ZBTB8OS: variants seen among roughly 807,000 people sequenced by gnomAD.
ZBTB8OS encodes tRNA-splicing ligase-activating factor archease.
In ZBTB8OS, 16 loss-of-function variants were observed where a neutral mutation model predicts 29.3. The ratio of observed to expected loss-of-function variants is 0.55; its 90% CI spans 0.37 to 0.83. ZBTB8OS has a LOEUF of 0.83. ZBTB8OS is among the 40% of genes least tolerant of loss of function. The pLI is 0.00. For synonymous variants in ZBTB8OS, 70 were observed against 64.6 expected (o/e 1.08, Z -0.40); for missense variants, 160 against 196.9 (o/e 0.81, Z 1.12).
intron 6 of ZBTB8OS, among the ~76,000 whole-genome samples, chr1:32,625,843 ATGG>A (rs1323578066): frequency 6.6e-6 from 1 of 151,636 alleles, no homozygotes; most frequent in Non-Finnish European, 1.5e-5. Flanking sequence ...TGCATATATG[ATGG>A]TGGTCTGAGA....
Position 32,621,829 on chromosome 1 carries a change from G to A in ZBTB8OS, c.*33C>T. The A allele has an allele frequency of 6.9e-7, 1 of 1,445,898 alleles. No individual in the cohort carries two copies. Among genetic ancestry groups the A allele is most frequent in the East Asian group, 2.3e-5 (1 of 43,360 alleles). 89.6% of individuals were successfully genotyped at this position (1,445,898 alleles called of 1,614,324 possible). A position where few individuals can be genotyped will look rare whatever the true frequency, so the allele number is the denominator to read the frequency against. The stretch of plus-strand genomic sequence containing the variant: ...CAAAAGGAAGAGGAAAACAAAAACA[G>A]TTCTTCGTAGGAGTCTTTTATTTTT... On this transcript the variant is annotated 3_prime_UTR_variant, in exon 7 of 7. Coordinates refer to ENST00000468695, the MANE Select transcript of ZBTB8OS (RefSeq NM_178547.5).
chr1:32,649,565 T>C (rs1453205739), intron 1 of ZBTB8OS, among the ~76,000 whole-genome samples: 1 of 151,430 alleles, frequency 6.6e-6, no homozygotes, highest in Non-Finnish European at 1.5e-5. Flanking sequence ...AGCTGGGCAC[T>C]GCAGCGCGGG....
upstream of ZBTB8OS, chr1:32,650,581 C>T: frequency 6.2e-7 from 1 of 1,613,794 alleles, no homozygotes; most frequent in Non-Finnish European, 8.5e-7. Flanking sequence ...GGACTTCGGC[C>T]CGGAGTTACT....
chr1:32,629,749 C>CTTTTTTTT (rs869185319), intron 5 of ZBTB8OS, among the ~76,000 whole-genome samples: 46 of 114,086 alleles, frequency 4.0e-4, no homozygotes, highest in East Asian at 1.0e-3. Flanking sequence ...ATGCTTGTTT[C>CTTTTTTTT]TTTTTTTTTT....
At chr1:32,644,586 A>C (rs979924791) in intron 1 of ZBTB8OS, among the ~76,000 whole-genome samples, 1 of 139,260 alleles carries the variant, frequency 7.2e-6, no homozygotes, top group Middle Eastern at 3.8e-3. Context: ...GGCCGGGAGT[A>C]TAGTGGCATG....
At chr1:32,638,458 G>A (rs188883492) in intron 1 of ZBTB8OS, among the ~76,000 whole-genome samples, 2 of 151,954 alleles carry the variant, frequency 1.3e-5, no homozygotes, top group East Asian at 3.9e-4. Context: ...CCCAAAAGCT[G>A]GGATTACAGG....
At chr1:32,625,448 C>T (rs1317564491) in intron 6 of ZBTB8OS, among the ~76,000 whole-genome samples, 2 of 152,038 alleles carry the variant, frequency 1.3e-5, no homozygotes, top group South Asian at 2.1e-4. Flanking sequence ...GCAGGAGAAT[C>T]GCTTGAACCT....
intron 1 of ZBTB8OS, among the ~76,000 whole-genome samples, chr1:32,645,471 C>T (rs1049736622): frequency 6.6e-6 from 1 of 152,204 alleles, no homozygotes; most frequent in African/African-American, 2.4e-5. Context: ...CACTATACTC[C>T]AGCCTGGGAG....
At chr1:32,630,030 C>T (rs1413815349) in intron 5 of ZBTB8OS, among the ~76,000 whole-genome samples, 2 of 151,808 alleles carry the variant, frequency 1.3e-5, no homozygotes, top group Non-Finnish European at 1.5e-5. Context: ...GGATTACAGG[C>T]GTGAGCCACT....
At chr1:32,627,576 T>C (rs1323247272) in intron 5 of ZBTB8OS, 32 bp from the exon 6 acceptor site, 4 of 1,603,496 alleles carry the variant, frequency 2.5e-6, no homozygotes, top group Middle Eastern at 1.7e-4. Flanking sequence ...ATGATTAAGA[T>C]TTGTTCTCTC....
chr1:32,643,007 G>T (rs1646539540), intron 1 of ZBTB8OS, among the ~76,000 whole-genome samples: 1 of 146,236 alleles, frequency 6.8e-6, no homozygotes, highest in East Asian at 2.1e-4. Context: ...TTGACCTCAG[G>T]TGATCTGCGG....
chr1:32,631,354 CAAAA>C (rs560515421), intron 5 of ZBTB8OS, among the ~76,000 whole-genome samples: 1 of 63,202 alleles, frequency 1.6e-5, no homozygotes. Flanking sequence ...GACCCTGTAT[CAAAA>C]AAAAAAAAAA....
intron 6 of ZBTB8OS, among the ~76,000 whole-genome samples, chr1:32,624,837 T>G (rs1175389641): frequency 6.7e-6 from 1 of 149,668 alleles, no homozygotes. Flanking sequence ...GAGGTTGCAG[T>G]GAGCTGAGAT....
At chr1:32,626,019 C>T (rs908754363) in intron 6 of ZBTB8OS, among the ~76,000 whole-genome samples, 1 of 151,908 alleles carries the variant, frequency 6.6e-6, no homozygotes, top group Non-Finnish European at 1.5e-5. Context: ...ATTACAAGCG[C>T]CCGCCACCGC....
chr1:32,637,471 G>A (rs1646062789), intron 1 of ZBTB8OS, among the ~76,000 whole-genome samples: 1 of 151,998 alleles, frequency 6.6e-6, no homozygotes, highest in African/African-American at 2.4e-5. Flanking sequence ...CGGAAGCTGA[G>A]GCAGGAGAAC....
At chr1:32,628,541 G>GCAGGAGAATCGCTTGAGC (rs1645295241) in intron 5 of ZBTB8OS, among the ~76,000 whole-genome samples, 1 of 151,742 alleles carries the variant, frequency 6.6e-6, no homozygotes, top group Non-Finnish European at 1.5e-5. Context: ...GGAGGCTGAG[G>GCAGGAGAATCGCTTGAGC]CAGGAGAATC....
chr1:32,643,931 A>G (rs1646634096), intron 1 of ZBTB8OS, among the ~76,000 whole-genome samples: 2 of 152,040 alleles, frequency 1.3e-5, no homozygotes, highest in Non-Finnish European at 2.9e-5. Context: ...GCGAGTTAGA[A>G]AAACGCCACA....
At chr1:32,648,961 GC>G (rs1647064119) in intron 1 of ZBTB8OS, among the ~76,000 whole-genome samples, 4 of 132,390 alleles carry the variant, frequency 3.0e-5, no homozygotes, top group Admixed American at 8.3e-5. Context: ...ACAGCACCAG[GC>G]CTTTTTTTTT....
Position 32,627,514 on chromosome 1 carries a change from G to C in ZBTB8OS, c.411C>G (p.His137Gln), listed in dbSNP as rs1490809182. 1 of 1,613,778 alleles carries C rather than the reference G, an allele frequency of 6.2e-7. No homozygotes were observed. The highest frequency in any genetic ancestry group is 1.7e-5 in the Admixed American group (1 of 59,968). ...GCTGGATTTTAAAACATACCTGAGGGTGCTTGGACAATGAAAATTCTTCTC... is the reference window on the plus strand; with the variant it reads ...GCTGGATTTTAAAACATACCTGAGGCTGCTTGGACAATGAAAATTCTTCTC... ...GWGEEFSLSK[H>Q]PQGTEVKAIT... is the part of the protein sequence containing the mutation. The change falls in exon 6 of 7, where the codon CAC (histidine) becomes CAG (glutamine). Residue 137 changes from histidine to glutamine, a missense_variant. Transcript: ENST00000468695.
Sources: gnomAD v4.1 joint callset for allele counts (sites outside exome capture counted in the v4.1 genomes callset) on GRCh38, gnomAD v4.1.1 for gene constraint, MANE v1.5 for transcripts, NCBI Gene and HGNC (gene_info 2026-07-23, HGNC 2026-07-21) for gene names.